The following CSMD2 variants were observed in gnomAD, a reference collection of about 807,000 sequenced individuals.
The protein encoded by CSMD2 is CUB and Sushi multiple domains 2, also known as CUB and sushi domain-containing protein 2.
CSMD2 carries 130 observed loss-of-function variants against 398.5 expected under a neutral mutation model. The ratio of observed to expected loss-of-function variants is 0.33; its 90% CI spans 0.28 to 0.38. The LOEUF is 0.38. Among genes scored for constraint, CSMD2 ranks in the 10% least tolerant of loss-of-function variants. CSMD2 has a pLI of 1.00. For synonymous variants in CSMD2, 1,828 were observed against 1,908.5 expected (o/e 0.96, Z 1.10); for missense variants, 3,829 against 4,764.9 (o/e 0.80, Z 5.78).
intron 6 of CSMD2, chr1:33,839,361 A>T (rs1199366692): frequency 6.6e-6 from 1 of 152,222 alleles, no homozygotes; most frequent in East Asian, 1.9e-4. Flanking sequence ...AGTAGTCAAA[A>T]CTCCAGGCTT....
intron 5 of CSMD2, among the ~76,000 whole-genome samples, chr1:33,902,225 G>C (rs1642803103): frequency 6.6e-6 from 1 of 152,112 alleles, no homozygotes. Flanking sequence ...TTTTTTAAAA[G>C]TTGGGGGTGT....
chr1:33,994,150 G>A (rs1254176152), intron 3 of CSMD2, among the ~76,000 whole-genome samples: 1 of 152,166 alleles, frequency 6.6e-6, no homozygotes, highest in Non-Finnish European at 1.5e-5. Context: ...AAAGATAATT[G>A]AGGCAGAGCC....
chr1:33,993,215 G>A (rs962345882), intron 3 of CSMD2, among the ~76,000 whole-genome samples: 6 of 152,206 alleles, frequency 3.9e-5, no homozygotes, highest in Admixed American at 3.3e-4. Flanking sequence ...ACCTCTGAGA[G>A]GGGAAGGCAG....
chr1:34,075,704 T>C (rs542617519), intron 2 of CSMD2, among the ~76,000 whole-genome samples: 3 of 152,374 alleles, frequency 2.0e-5, no homozygotes, highest in South Asian at 2.1e-4. Context: ...AGCGTCTTCA[T>C]AGATTATGTT....
At chr1:33,574,355 G>A (rs909627691) in intron 49 of CSMD2, among the ~76,000 whole-genome samples, 16 of 152,168 alleles carry the variant, frequency 1.1e-4, no homozygotes, top group African/African-American at 3.4e-4. Context: ...AGGAGGAATA[G>A]GAATTACTTA....
Position 33,546,197 on chromosome 1 carries a change from A to T in CSMD2, c.8940T>A (p.Gly2980=). 1 of 1,613,998 alleles carries T rather than the reference A, an allele frequency of 6.2e-7. No individual in the cohort carries two copies. Among genetic ancestry groups the T allele is most frequent in the South Asian group, 1.1e-5 (1 of 91,072 alleles). ...HCSGTSVGVC[G]DPGIPAHGIR... ...TGCCATGAGCCGGGATCCCAGGGTC[A>T]CCGCAAACTCCCACGCTGGTTCCTA... Residue 2980 remains glycine (G), a synonymous_variant, in exon 57 of 71, where the codon GGT becomes GGA. Coordinates refer to ENST00000373381, the MANE Select transcript of CSMD2 (RefSeq NM_001281956.2).
intron 42 of CSMD2, among the ~76,000 whole-genome samples, chr1:33,604,089 G>A (rs1464242901): frequency 1.3e-5 from 2 of 152,194 alleles, no homozygotes; most frequent in Admixed American, 6.5e-5. Flanking sequence ...AGAAGCCAAG[G>A]GAAGAAGGCT....
At chr1:33,882,370 G>C (rs951957595) in intron 5 of CSMD2, 1 of 152,172 alleles carries the variant, frequency 6.6e-6, no homozygotes, top group Admixed American at 6.5e-5. Context: ...AGCTTCAAAG[G>C]ACAGGCTGTC....
intron 1 of CSMD2, among the ~76,000 whole-genome samples, chr1:34,119,028 A>G (rs1487502946): frequency 1.3e-5 from 2 of 152,238 alleles, no homozygotes; most frequent in African/African-American, 4.8e-5. Flanking sequence ...ATTTCAAAAC[A>G]CATTGCAAAG....
At chr1:33,853,867 C>T (rs978252460) in intron 5 of CSMD2, among the ~76,000 whole-genome samples, 68 of 152,334 alleles carry the variant, frequency 4.5e-4, no homozygotes, top group African/African-American at 1.5e-3. Flanking sequence ...TATCGAATTA[C>T]ATCCCCTCTG....
chr1:33,977,150 G>C (rs894166116), intron 3 of CSMD2, among the ~76,000 whole-genome samples: 33 of 152,028 alleles, frequency 2.2e-4, no homozygotes, highest in African/African-American at 7.0e-4. Context: ...TCCTGTCCAG[G>C]GTGCTGGAGG....
intron 25 of CSMD2, among the ~76,000 whole-genome samples, chr1:33,692,180 GT>G (rs1645263179): frequency 6.6e-6 from 1 of 152,224 alleles, no homozygotes; most frequent in Non-Finnish European, 1.5e-5. Flanking sequence ...GGTAGGCTCT[GT>G]GTTCAGTAAA....
At chr1:33,999,845 T>C (rs776947818) in intron 3 of CSMD2, among the ~76,000 whole-genome samples, 1 of 152,136 alleles carries the variant, frequency 6.6e-6, no homozygotes, top group South Asian at 2.1e-4. Context: ...GAAAAGGAAA[T>C]AGCATTAATG....
At chr1:33,949,545 C>T (rs1644940781) in intron 3 of CSMD2, among the ~76,000 whole-genome samples, 1 of 152,232 alleles carries the variant, frequency 6.6e-6, no homozygotes, top group Non-Finnish European at 1.5e-5. Flanking sequence ...AGAGGAGACC[C>T]TGTGTATCAA....
chr1:34,004,097 C>T (rs111797026), intron 3 of CSMD2, among the ~76,000 whole-genome samples: 3 of 152,326 alleles, frequency 2.0e-5, no homozygotes, highest in African/African-American at 7.2e-5. Flanking sequence ...CAGCCAAAAA[C>T]ACTTCTTCCA....
chr1:33,524,843 T>C (rs991171675), intron 66 of CSMD2, 39 bp downstream of exon 66: 1 of 1,606,410 alleles, frequency 6.2e-7, no homozygotes, highest in Middle Eastern at 1.8e-4. Context: ...TGTGTGCCCA[T>C]CCATCCTCCC....
At chr1:33,772,799 C>A in intron 12 of CSMD2, 48 bp from the exon 13 acceptor site, 1 of 1,538,726 alleles carries the variant, frequency 6.5e-7, no homozygotes, top group Non-Finnish European at 8.9e-7. Context: ...TGACTTTATA[C>A]CTCTTTTGGA....
At chr1:33,950,485 A>G (rs1353096001) in intron 3 of CSMD2, among the ~76,000 whole-genome samples, 1 of 151,866 alleles carries the variant, frequency 6.6e-6, no homozygotes, top group Non-Finnish European at 1.5e-5. Flanking sequence ...GTGTGTCTAT[A>G]TATGCATGTA....
chr1:33,909,075 A>C (rs550506957), intron 5 of CSMD2, among the ~76,000 whole-genome samples: 1 of 152,308 alleles, frequency 6.6e-6, no homozygotes, highest in African/African-American at 2.4e-5. Context: ...TTACCAGCTC[A>C]GCCAACATGG....
Sources: gnomAD v4.1 joint callset for allele counts (sites outside exome capture counted in the v4.1 genomes callset) on GRCh38, gnomAD v4.1.1 for gene constraint, MANE v1.5 for transcripts, NCBI Gene and HGNC (gene_info 2026-07-23, HGNC 2026-07-21) for gene names.